Variants in RUVBL1 observed in about 807,000 individuals in gnomAD.
The protein encoded by RUVBL1 is ruvB-like 1.
In RUVBL1, 4 loss-of-function variants were observed where a neutral mutation model predicts 52.4. The ratio of observed to expected loss-of-function variants is 0.08; its 90% CI spans 0.04 to 0.17. RUVBL1 has a LOEUF of 0.17. Ranked by LOEUF, RUVBL1 falls within the 10% of genes least tolerant of loss-of-function variation. The probability of loss-of-function intolerance (pLI) is 1.00; values close to 1 mark genes in which losing one functional copy is unlikely to be tolerated. For missense variants in RUVBL1, 298 were observed against 572.8 expected (o/e 0.52, Z 4.90); for synonymous variants, 217 against 214.4 (o/e 1.01, Z -0.10).
At chr3:128,068,512 T>C (rs534464671) in intron 9 of RUVBL1, 1 of 165,398 alleles carries the variant, frequency 6.0e-6, no homozygotes, top group South Asian at 1.6e-4. Flanking sequence ...TGGCAGTGGC[T>C]GGGCACGGAA....
intron 1 of RUVBL1, among the ~76,000 whole-genome samples, chr3:128,122,254 G>A (rs1028946121): frequency 1.3e-5 from 2 of 152,186 alleles, no homozygotes; most frequent in Non-Finnish European, 2.9e-5. Flanking sequence ...AGGGTGTAGG[G>A]GTAAAGTGTA....
At chr3:128,095,145 C>T (rs970698647) in intron 8 of RUVBL1, among the ~76,000 whole-genome samples, 2 of 152,264 alleles carry the variant, frequency 1.3e-5, no homozygotes, top group African/African-American at 4.8e-5. Flanking sequence ...AGAGCTTTGT[C>T]TCCACTGAGC....
intron 9 of RUVBL1, chr3:128,066,658 A>G: frequency 2.4e-6 from 1 of 408,804 alleles, no homozygotes; most frequent in Non-Finnish European, 4.4e-6. Flanking sequence ...TTCTGGGCTC[A>G]AGCAATTCTC....
intron 1 of RUVBL1, among the ~76,000 whole-genome samples, chr3:128,121,415 T>C (rs1207505293): frequency 2.0e-5 from 3 of 150,054 alleles, no homozygotes; most frequent in Middle Eastern, 3.2e-3. Flanking sequence ...TATTTCTAAA[T>C]AGATAAAAAA....
At chr3:128,118,526 CCTA>C (rs1242482406) in intron 2 of RUVBL1, among the ~76,000 whole-genome samples, 5 of 152,204 alleles carry the variant, frequency 3.3e-5, no homozygotes, top group South Asian at 2.1e-4. Flanking sequence ...ACCCCAAGCT[CCTA>C]CTTGCCCACA....
chr3:128,151,087 A>AT (rs1944201131), intron 1 of RUVBL1, among the ~76,000 whole-genome samples: 1 of 114,538 alleles, frequency 8.7e-6, no homozygotes, highest in Non-Finnish European at 1.7e-5. Context: ...TTCTCTATAT[A>AT]TCTATATATT....
chr3:128,094,652 G>A (rs1470334597), intron 8 of RUVBL1, among the ~76,000 whole-genome samples: 2 of 152,200 alleles, frequency 1.3e-5, no homozygotes, highest in Non-Finnish European at 2.9e-5. Context: ...CTGCTCACAG[G>A]GTTGTCAGGG....
intron 1 of RUVBL1, among the ~76,000 whole-genome samples, chr3:128,121,763 C>T (rs1943656578): frequency 6.7e-6 from 1 of 149,690 alleles, no homozygotes. Flanking sequence ...ACAACCCTGT[C>T]ATATCATAAT....
chr3:128,152,936 T>TCCCCCCCGCCCCCGTCTTCCCGC (rs1160731928), intron 1 of RUVBL1, among the ~76,000 whole-genome samples: 1 of 3,278 alleles, frequency 3.1e-4, no homozygotes, highest in Non-Finnish European at 4.5e-4. Context: ...CCCCCCGCCC[T>TCCCCCCCGCCCCCGTCTTCCCGC]CCCCCCCGCC....
chr3:128,105,215 C>A (rs901883468), intron 3 of RUVBL1, among the ~76,000 whole-genome samples: 2 of 151,512 alleles, frequency 1.3e-5, no homozygotes, highest in Non-Finnish European at 2.9e-5. Flanking sequence ...CCGGTTCACT[C>A]CATTCTCCTG....
At chr3:128,091,559 TC>T (rs1413385502) in intron 8 of RUVBL1, among the ~76,000 whole-genome samples, 2 of 152,170 alleles carry the variant, frequency 1.3e-5, no homozygotes, top group Non-Finnish European at 2.9e-5. Flanking sequence ...GACCCAAATC[TC>T]CTTGGAATCC....
At chr3:128,141,207 G>T (rs978146639) in intron 1 of RUVBL1, among the ~76,000 whole-genome samples, 1 of 152,174 alleles carries the variant, frequency 6.6e-6, no homozygotes, top group Admixed American at 6.5e-5. Context: ...TATCACCAAG[G>T]CTGGGGAAAT....
chr3:128,076,809 A>G (rs1464935346), downstream of RUVBL1, among the ~76,000 whole-genome samples: 3 of 152,022 alleles, frequency 2.0e-5, no homozygotes, highest in East Asian at 5.8e-4. The surrounding 1 kb of genome is among the most constrained non-coding windows in gnomAD (Gnocchi z 6.8). Flanking sequence ...GCTCCAGTGT[A>G]AGTGCAGCGT....
At chr3:128,096,338 G>C (rs893836105) in intron 8 of RUVBL1, among the ~76,000 whole-genome samples, 3 of 152,246 alleles carry the variant, frequency 2.0e-5, no homozygotes, top group Non-Finnish European at 4.4e-5. Flanking sequence ...AGCGTGGAGA[G>C]TGCTTAGGAG....
At chr3:128,142,800 A>G (rs1176003992) in intron 1 of RUVBL1, among the ~76,000 whole-genome samples, 3 of 151,704 alleles carry the variant, frequency 2.0e-5, no homozygotes, top group African/African-American at 4.8e-5. Flanking sequence ...TTTGTTTTTG[A>G]GATGGAGTCT....
exon 1 of RUVBL1, chr3:128,153,373 G>A (rs952592566): frequency 1.4e-6 from 2 of 1,389,036 alleles, no homozygotes; most frequent in Non-Finnish European, 1.8e-6. Context: ...GCCTCAGGAG[G>A]GCGGAAGCTT....
chr3:128,085,341 C>T (rs532565486), intron 9 of RUVBL1, among the ~76,000 whole-genome samples: 2 of 152,350 alleles, frequency 1.3e-5, no homozygotes, highest in East Asian at 3.9e-4. Flanking sequence ...TGGCCCTGAA[C>T]ACATCTGTGC....
intron 4 of RUVBL1, among the ~76,000 whole-genome samples, chr3:128,101,969 C>T (rs1034513403): frequency 6.6e-6 from 1 of 152,230 alleles, no homozygotes. Context: ...CTGGCAGCAG[C>T]GCTTTTATAA....
intron 1 of RUVBL1, among the ~76,000 whole-genome samples, chr3:128,147,675 C>A (rs1944125240): frequency 6.6e-6 from 1 of 152,186 alleles, no homozygotes; most frequent in Non-Finnish European, 1.5e-5. Context: ...AATGATACAG[C>A]CACTCTGGAA....
Sources: allele counts gnomAD v4.1 joint callset (sites outside exome capture counted in the v4.1 genomes callset), GRCh38; gene constraint gnomAD v4.1.1; non-coding constraint Gnocchi (gnomAD v3.1); transcripts MANE v1.5; gene names NCBI Gene and HGNC (gene_info 2026-07-23, HGNC 2026-07-21).